The following PGAP4 variants were observed in gnomAD, a reference collection of about 807,000 sequenced individuals.
PGAP4 encodes the protein post-GPI attachment to proteins GalNAc transferase 4.
A neutral mutation model predicts 28.2 loss-of-function variants in PGAP4; 12 were observed. That is an observed-to-expected ratio of 0.42 (90% CI 0.27 to 0.69). PGAP4 has a LOEUF of 0.69. Ranked by LOEUF, PGAP4 falls within the 30% of genes least tolerant of loss-of-function variation. The pLI, the probability that PGAP4 is intolerant of heterozygous loss-of-function variation, is 0.22. For synonymous variants in PGAP4, 205 were observed against 211.8 expected (o/e 0.97, Z 0.28); for missense variants, 425 against 513.5 (o/e 0.83, Z 1.67).
chr9:101,514,472 T>C (rs1826926028), intron 2 of PGAP4, among the ~76,000 whole-genome samples: 2 of 152,116 alleles, frequency 1.3e-5, no homozygotes, highest in African/African-American at 2.4e-5. Flanking sequence ...TTAAACATCA[T>C]TGTGGTCCTT....
chr9:101,478,021 G>A (rs1382628534), intron 1 of PGAP4, among the ~76,000 whole-genome samples: 2 of 152,192 alleles, frequency 1.3e-5, no homozygotes, highest in East Asian at 3.9e-4. Context: ...ATGGGCCTGA[G>A]GCCAGGCTCA....
At chr9:101,516,771 A>T (rs911323811) in intron 2 of PGAP4, among the ~76,000 whole-genome samples, 1 of 152,182 alleles carries the variant, frequency 6.6e-6, no homozygotes, top group Non-Finnish European at 1.5e-5. Context: ...TTCTTTTGCA[A>T]TTCATCTTTG....
chr9:101,524,312 G>T lies in PGAP4; in HGVS notation c.-165+7036C>A, dbSNP rs1279864260. On this transcript the variant is annotated intron_variant, in intron 2 of 3. Transcript: ENST00000374851. ...AGCTCCCATGCAAACCGAAGGGCTG[G>T]TCTCACTCCCACTGTGTCCTCTGCC... is the stretch of plus-strand genomic sequence containing the variant. Among the ~76,000 whole-genome samples, 5 of 151,990 alleles carry T rather than the reference G, an allele frequency of 3.3e-5. No individual in the cohort carries two copies. In the South Asian group the frequency reaches 1.0e-3, roughly 32 times the overall value.
At chr9:101,506,264 A>C (rs974703401) in intron 2 of PGAP4, among the ~76,000 whole-genome samples, 1 of 152,104 alleles carries the variant, frequency 6.6e-6, no homozygotes, top group African/African-American at 2.4e-5. Context: ...TCCATTGGAC[A>C]TCTCACCCAA....
At chr9:101,524,103 T>C (rs1051083813) in intron 2 of PGAP4, among the ~76,000 whole-genome samples, 2 of 151,790 alleles carry the variant, frequency 1.3e-5, no homozygotes, top group Non-Finnish European at 2.9e-5. Context: ...TATGGGTCTC[T>C]CAGTCATGGA....
intron 2 of PGAP4, among the ~76,000 whole-genome samples, chr9:101,512,896 G>T (rs1023636813): frequency 6.6e-6 from 1 of 152,094 alleles, no homozygotes; most frequent in African/African-American, 2.4e-5. Flanking sequence ...GTGTTTCCCA[G>T]CTATTCTCTA....
intron 2 of PGAP4, among the ~76,000 whole-genome samples, chr9:101,523,617 ATCTTTTTTTTT>A (rs1827006951): frequency 5.4e-5 from 1 of 18,358 alleles, no homozygotes; most frequent in Non-Finnish European, 9.9e-5. Context: ...CACTTCTTGT[ATCTTTTTTTTT>A]TTTTTTTTTT....
chr9:101,475,810 T>A lies in PGAP4; in HGVS notation c.*71A>T. The A allele has an allele frequency of 6.8e-7, 1 of 1,473,748 alleles. No individual in the cohort carries two copies. The highest frequency in any genetic ancestry group is 1.4e-5 in the African/African-American group (1 of 71,516). 91.3% of individuals were successfully genotyped at this position (1,473,748 alleles called of 1,614,324 possible). A position where few individuals can be genotyped will look rare whatever the true frequency, so the allele number is the denominator to read the frequency against. On this transcript the variant is annotated 3_prime_UTR_variant, in exon 2 of 2. Transcript: ENST00000374848. The stretch of plus-strand genomic sequence containing the variant: ...ACAGTGAAATACCTGCAGGCAACCA[T>A]GTCTAAATAAAGAGATAAATATTTG...
intron 2 of PGAP4, among the ~76,000 whole-genome samples, chr9:101,508,100 A>T (rs888822569): frequency 3.4e-5 from 5 of 148,494 alleles, no homozygotes; most frequent in Non-Finnish European, 7.4e-5. Context: ...TTTACAGGAC[A>T]TTCCTTTTCA....
At chr9:101,498,715 C>T (rs1429113123) in intron 2 of PGAP4, among the ~76,000 whole-genome samples, 1 of 151,904 alleles carries the variant, frequency 6.6e-6, no homozygotes, top group East Asian at 1.9e-4. Context: ...CCTGGCATGC[C>T]TTAATATTTG....
intron 2 of PGAP4, among the ~76,000 whole-genome samples, chr9:101,501,404 C>T (rs572272415): frequency 3.4e-4 from 52 of 151,944 alleles, no homozygotes; most frequent in Non-Finnish European, 5.9e-4. Context: ...GAAGAAGAGC[C>T]GCATGAAAAG....
In PGAP4 at chr9:101,516,303, C is replaced by T. The variant is rs146837662; in HGVS notation, c.-165+15045G>A. 2.6e-4 allele frequency among the ~76,000 whole-genome samples: 39 copies of T among 152,258 alleles called. No individual in the cohort carries two copies. The East Asian group carries it at 7.1e-3, about 28-fold the overall frequency. ...TGATCATTATAACCATCTGCCTTAA[C>T]TATTTCTCAGAATCTGAGTGCAGAT... On this transcript the variant is annotated intron_variant, in intron 2 of 3. Coordinates refer to the PGAP4 transcript ENST00000374851.
chr9:101,486,246 T>C lies in PGAP4; in HGVS notation c.-78+703A>G, dbSNP rs1428841271. Among the ~76,000 whole-genome samples the C allele has an allele frequency of 6.6e-6, 1 of 152,190 alleles. No individual in the cohort carries two copies. The highest frequency in any genetic ancestry group is 1.5e-5 in the Non-Finnish European group (1 of 68,030). On this transcript the variant is annotated intron_variant, in intron 1 of 1. Transcript: ENST00000374848. The surrounding 1 kb of genome is among the most constrained non-coding windows in gnomAD (Gnocchi z 4.7). ...TGTCCAGGGCCCTGGATCTAGTGTCTGTCGCTGACCTTGGGCAGTCCCTGC... is the reference window on the plus strand; with the variant it reads ...TGTCCAGGGCCCTGGATCTAGTGTCCGTCGCTGACCTTGGGCAGTCCCTGC...
At chr9:101,477,226 A>ACAAACAAC in intron 1 of PGAP4, 57 bp from the exon 2 acceptor site, 1 of 1,331,440 alleles carries the variant, frequency 7.5e-7, no homozygotes, top group Non-Finnish European at 9.9e-7. Context: ...AAACAAACAA[A>ACAAACAAC]CAAACAAAAA....
At chr9:101,490,081 A>G (rs946098755), upstream of PGAP4, among the ~76,000 whole-genome samples, 2 of 152,146 alleles carry the variant, frequency 1.3e-5, no homozygotes, top group East Asian at 3.9e-4. Flanking sequence ...TCCACTACCC[A>G]TTGCACATTC....
At chr9:101,494,991 T>C (rs1826726377) in intron 2 of PGAP4, among the ~76,000 whole-genome samples, 1 of 148,810 alleles carries the variant, frequency 6.7e-6, no homozygotes, top group Admixed American at 6.9e-5. Flanking sequence ...CTGATAACAT[T>C]AGATTTTTAT....
At chr9:101,520,059 T>C (rs113189569) in intron 2 of PGAP4, among the ~76,000 whole-genome samples, 1,574 of 152,328 alleles carry the variant, frequency 0.01, 29 homozygotes, top group African/African-American at 0.036. Context: ...TTCTTTATTC[T>C]GTTCCACTGG....
chr9:101,504,175 T>C (rs563632235), intron 2 of PGAP4, among the ~76,000 whole-genome samples: 1 of 150,286 alleles, frequency 6.7e-6, no homozygotes, highest in African/African-American at 2.4e-5. Flanking sequence ...ATCTGCTTTC[T>C]GTTTTTTATT....
intron 1 of PGAP4, among the ~76,000 whole-genome samples, chr9:101,481,132 C>T (rs1460856759): frequency 1.3e-5 from 2 of 152,116 alleles, no homozygotes; most frequent in East Asian, 1.9e-4. Context: ...GAGCTGTGAT[C>T]GCACCACCGC....
Sources: gnomAD v4.1 joint callset for allele counts (sites outside exome capture counted in the v4.1 genomes callset) on GRCh38, gnomAD v4.1.1 for gene constraint, Gnocchi (gnomAD v3.1) non-coding constraint, MANE v1.5 for transcripts, NCBI Gene and HGNC (gene_info 2026-07-23, HGNC 2026-07-21) for gene names.